Variants in KIF1A observed in about 807,000 individuals in gnomAD.
KIF1A encodes kinesin family member 1A, also known as kinesin-like protein KIF1A.
Under a neutral mutation model 227.3 loss-of-function variants are expected in KIF1A, and 46 were observed. The observed-to-expected ratio is 0.20, with a 90% confidence interval of 0.16 to 0.26. The LOEUF (loss-of-function observed/expected upper bound fraction) is 0.26. KIF1A is among the 10% of genes least tolerant of loss of function. The pLI is 1.00. For synonymous variants in KIF1A, 1,022 were observed against 1,012.8 expected (o/e 1.01, Z -0.17); for missense variants, 1,683 against 2,485.9 (o/e 0.68, Z 6.87).
At position 240,745,913 on chromosome 2, in the gene KIF1A, C is replaced by G; in HGVS notation, c.3203-4G>C. On this transcript the variant is annotated splice_region_variant and splice_polypyrimidine_tract_variant and intron_variant, in intron 30 of 48. Coordinates refer to ENST00000498729, the MANE Select transcript of KIF1A (RefSeq NM_001244008.2). The stretch of plus-strand genomic sequence containing the variant: ...AGGAGGCCTTCTGGGGGCACTGCTG[C>G]TGGGAGTCAAGGAGAGAGTCATGGA... The G allele has an allele frequency of 3.1e-6, 5 of 1,600,314 alleles. No individual in the cohort carries two copies. The highest frequency in any genetic ancestry group is 4.3e-6 in the Non-Finnish European group (5 of 1,171,856).
At chr2:240,784,907 C>A in intron 7 of KIF1A, 82 bp downstream of exon 7, 2 of 1,099,982 alleles carry the variant, frequency 1.8e-6, no homozygotes, top group Admixed American at 1.7e-5. Flanking sequence ...CCTTGTGCTG[C>A]CCCCACTGGC....
chr2:240,812,357 C>A (rs2057929632), intron 1 of KIF1A, among the ~76,000 whole-genome samples: 1 of 152,198 alleles, frequency 6.6e-6, no homozygotes, highest in Non-Finnish European at 1.5e-5. Context: ...CAGACACAGG[C>A]CTGGCACAGG....
chr2:240,753,585 C>A (rs796269422), intron 27 of KIF1A, among the ~76,000 whole-genome samples: 1 of 152,158 alleles, frequency 6.6e-6, no homozygotes, highest in East Asian at 1.9e-4. Flanking sequence ...TCACAGCAGC[C>A]GGCATCTGTG....
At chr2:240,819,885 G>T (rs1415770528) in intron 1 of KIF1A, among the ~76,000 whole-genome samples, 1 of 152,216 alleles carries the variant, frequency 6.6e-6, no homozygotes, top group Non-Finnish European at 1.5e-5. Context: ...TTTTCCAGCG[G>T]CACCTGAAGG....
chr2:240,737,092 G>A lies in KIF1A; in HGVS notation c.3978C>T (p.Ser1326=), dbSNP rs775591104. ...PNILSLNILS[S]GYIHPAQDDR... ...CATCTTGGGCTGGGTGGATGTATCC[G>A]GAAGAGAGGATGTTGAGAGACAAGA... Residue 1326 remains serine (S), a synonymous_variant, in exon 38 of 49, where the codon TCC becomes TCT. Coordinates refer to ENST00000498729, the MANE Select transcript of KIF1A (RefSeq NM_001244008.2). 29 of 1,613,520 alleles carry A rather than the reference G, an allele frequency of 1.8e-5. No individual in the cohort carries two copies. Among genetic ancestry groups the A allele is most frequent in the African/African-American group, 8.0e-5 (6 of 74,916 alleles).
Position 240,766,340 on chromosome 2 carries a change from A to G in KIF1A, c.1685-547T>C, listed in dbSNP as rs139509357. ...GACGGCACACTGACACCACAGGCCC[A>G]TCCCCAAGTTGGGCAGCACCAGGCA... On this transcript the variant is annotated intron_variant, in intron 19 of 48. Coordinates refer to ENST00000498729, the MANE Select transcript of KIF1A (RefSeq NM_001244008.2). This position sits in a 1 kb window ranked among gnomAD's most constrained non-coding sequence, Gnocchi z 5.0. Among the ~76,000 whole-genome samples the G allele has an allele frequency of 0.011, 1,607 of 152,338 alleles. 15 individuals are homozygous for G. The highest frequency in any genetic ancestry group is 0.015 in the Non-Finnish European group (1,028 of 68,032).
intron 28 of KIF1A, 39 bp from the exon 29 acceptor site, chr2:240,747,360 G>T: frequency 3.9e-6 from 6 of 1,542,186 alleles, no homozygotes; most frequent in Non-Finnish European, 5.4e-6. Flanking sequence ...AGCCCAGCTT[G>T]TCCCCTGAGG....
At chr2:240,808,322 T>C (rs773616059) in intron 1 of KIF1A, among the ~76,000 whole-genome samples, 4 of 152,176 alleles carry the variant, frequency 2.6e-5, no homozygotes, top group Non-Finnish European at 5.9e-5. Context: ...AACATTCTTA[T>C]ATACCTGATA....
chr2:240,765,054 T>A (rs894612055), intron 20 of KIF1A, among the ~76,000 whole-genome samples: 1 of 152,234 alleles, frequency 6.6e-6, no homozygotes, highest in Admixed American at 6.5e-5. Flanking sequence ...TTGTACGTTA[T>A]CTCACTACAT....
At chr2:240,776,098 C>G (rs116640685) in intron 10 of KIF1A, among the ~76,000 whole-genome samples, 172 bp from the exon 11 acceptor site, 1 of 152,318 alleles carries the variant, frequency 6.6e-6, no homozygotes, top group Non-Finnish European at 1.5e-5. Context: ...CCTGCCCAGA[C>G]CCCAGGCCGC....
Position 240,767,343 on chromosome 2 carries a change from T to C in KIF1A, c.1500A>G (p.Thr500=), listed in dbSNP as rs937511086. Residue 500 remains threonine (T), a splice_region_variant and synonymous_variant, in exon 18 of 49, where the codon ACA becomes ACG. Transcript: ENST00000498729. ...GTLGVFSPKK[T]PHLVNLNEDP... ...CCTCGTTCAGGTTGACGAGGTGTGG[T>C]GTCTGCAGGGAGACAGGAGGATCAT... 1.2e-6 allele frequency: 2 copies of C among 1,613,172 alleles called. No homozygotes were observed. Among genetic ancestry groups the C allele is most frequent in the Non-Finnish European group, 1.7e-6 (2 of 1,179,404 alleles).
chr2:240,744,020 T>C lies in KIF1A; in HGVS notation c.3506A>G (p.Lys1169Arg), dbSNP rs1201535678. Residue 1169 changes from lysine (K) to arginine (R), a missense_variant, in exon 33 of 49, where the codon AAG becomes AGG. Lys to Arg is a conservative substitution (Grantham distance 26, BLOSUM62 2). This residue lies in a region of KIF1A where 759 missense variants were observed against 1,020.2 expected (regional missense o/e 0.74). Transcript: ENST00000498729. ...EVTKSFIEYI[K>R]SQPIVFEVFG... Reference sequence around the variant, plus strand: ...GACCTCGAAAACAATGGGCTGGCTCTTGATGTACTCAATGAAGGACTTGGT... The same window carrying C: ...GACCTCGAAAACAATGGGCTGGCTCCTGATGTACTCAATGAAGGACTTGGT... The C allele has an allele frequency of 6.2e-7, 1 of 1,613,646 alleles. No individual in the cohort carries two copies. Among genetic ancestry groups the C allele is most frequent in the Admixed American group, 1.7e-5 (1 of 60,004 alleles).
At chr2:240,755,436 G>A (rs991192767) in intron 27 of KIF1A, among the ~76,000 whole-genome samples, 2 of 152,178 alleles carry the variant, frequency 1.3e-5, no homozygotes, top group African/African-American at 4.8e-5. Flanking sequence ...TTCCAGAGGG[G>A]ACAAGAGTGG....
At position 240,766,749 on chromosome 2, in the gene KIF1A, T is replaced by TCTCTCACACA. The variant is rs1454271542; in HGVS notation, c.1684+165_1684+166insTGTGTGAGAG. Among the ~76,000 whole-genome samples, 885 of 108,950 alleles carry TCTCTCACACA rather than the reference T, an allele frequency of 8.1e-3. 23 individuals are homozygous for TCTCTCACACA. Among genetic ancestry groups the TCTCTCACACA allele is most frequent in the African/African-American group, 0.032 (774 of 24,098 alleles). The allele number at this position is 108,950 out of a possible 152,430, so 71.5% of individuals were successfully genotyped here. On this transcript the variant is annotated intron_variant, in intron 19 of 48. Coordinates refer to ENST00000498729, the MANE Select transcript of KIF1A (RefSeq NM_001244008.2). The surrounding 1 kb of genome is among the most constrained non-coding windows in gnomAD (Gnocchi z 5.0). ...CTCTCTCTCTCTCTCTCTCTCTCTCTCACACACACACACACACACACACAC... is the reference window on the plus strand; with the variant it reads ...CTCTCTCTCTCTCTCTCTCTCTCTCTCTCTCACACACACACACACACACACACACACACAC...
intron 17 of KIF1A, 24 bp from the exon 18 acceptor site, chr2:240,767,369 C>T: frequency 6.2e-7 from 1 of 1,600,074 alleles, no homozygotes; most frequent in Non-Finnish European, 8.6e-7. Context: ...GGAGGATCAT[C>T]TCTCTTGCAG....
At chr2:240,746,757 G>A (rs1170846135) in intron 29 of KIF1A, among the ~76,000 whole-genome samples, 1 of 152,244 alleles carries the variant, frequency 6.6e-6, no homozygotes, top group African/African-American at 2.4e-5. Flanking sequence ...AGAGGAGACT[G>A]AGTGGTCCAG....
At position 240,792,079 on chromosome 2, in the gene KIF1A, G is replaced by A. The variant is rs1224807504; in HGVS notation, c.107-2767C>T. ...GGAACCATCCTCTGTCACTACAGAT[G>A]GGCCCCAAGCTCCAGAGAGGGGAGG... On this transcript the variant is annotated intron_variant, in intron 2 of 48. Transcript: ENST00000498729. This position sits in a 1 kb window ranked among gnomAD's most constrained non-coding sequence, Gnocchi z 4.5. Among the ~76,000 whole-genome samples, 2 of 151,142 alleles carry A rather than the reference G, an allele frequency of 1.3e-5. No individual in the cohort carries two copies. Among genetic ancestry groups the A allele is most frequent in the Non-Finnish European group, 3.0e-5 (2 of 67,742 alleles).
intron 23 of KIF1A, among the ~76,000 whole-genome samples, chr2:240,761,748 C>T (rs937324263): frequency 1.4e-4 from 21 of 152,316 alleles, no homozygotes; most frequent in African/African-American, 4.8e-4. Context: ...GCTCTGCATG[C>T]CCCAAAGGAG....
At chr2:240,763,482 T>G (rs2050778296) in intron 20 of KIF1A, 136 bp from the exon 21 acceptor site, 1 of 813,770 alleles carries the variant, frequency 1.2e-6, no homozygotes, top group African/African-American at 1.7e-5. Flanking sequence ...CACTCCTTCT[T>G]CAGCCCTCGC....
Sources: gnomAD v4.1 joint callset for allele counts (sites outside exome capture counted in the v4.1 genomes callset) on GRCh38, gnomAD v4.1.1 for gene constraint, gnomAD v4.1.1 regional missense constraint, Gnocchi (gnomAD v3.1) non-coding constraint, MANE v1.5 for transcripts, NCBI Gene and HGNC (gene_info 2026-07-23, HGNC 2026-07-21) for gene names.